Variants in REEP1 observed in about 807,000 individuals in gnomAD.
The protein encoded by REEP1 is receptor expression-enhancing protein 1.
A neutral mutation model predicts 40.3 loss-of-function variants in REEP1; 22 were observed. That is an observed-to-expected ratio of 0.55 (90% CI 0.39 to 0.78). The LOEUF is 0.78. Ranked by LOEUF, REEP1 falls within the 30% of genes least tolerant of loss-of-function variation. REEP1 has a pLI of 0.00. For missense variants in REEP1, 280 were observed against 361.1 expected, an observed-to-expected ratio of 0.78 and a Z score of 1.82; for synonymous variants, 116 against 139.2, an observed-to-expected ratio of 0.83 and a Z score of 1.17.
intron 2 of REEP1, among the ~76,000 whole-genome samples, chr2:86,267,770 C>T (rs1391915856): frequency 6.6e-6 from 1 of 151,636 alleles, no homozygotes; most frequent in African/African-American, 2.4e-5. Context: ...ACACAACCCA[C>T]AAAATGGTAG....
intron 2 of REEP1, among the ~76,000 whole-genome samples, 196 bp from the exon 3 acceptor site, chr2:86,264,237 T>C (rs1043491737): frequency 6.6e-6 from 1 of 152,208 alleles, no homozygotes; most frequent in Non-Finnish European, 1.5e-5. Flanking sequence ...GCAAATGGGC[T>C]GTTCCACAAC....
At chr2:86,308,880 A>C (rs1679625688) in intron 1 of REEP1, among the ~76,000 whole-genome samples, 1 of 152,216 alleles carries the variant, frequency 6.6e-6, no homozygotes, top group South Asian at 2.1e-4. Context: ...ACAAACCCCA[A>C]GGCAGCTGGG....
intron 5 of REEP1, among the ~76,000 whole-genome samples, chr2:86,244,282 T>G (rs1204163579): frequency 6.6e-6 from 1 of 152,150 alleles, no homozygotes; most frequent in African/African-American, 2.4e-5. Context: ...AGAGCACTGA[T>G]GGATAAAAGA....
chr2:86,290,447 C>A (rs1558918022), intron 1 of REEP1, among the ~76,000 whole-genome samples: 1 of 151,990 alleles, frequency 6.6e-6, no homozygotes, highest in African/African-American at 2.4e-5. Flanking sequence ...CCACTATACA[C>A]CTGACCTTTA....
At chr2:86,278,310 T>C (rs897363687) in intron 2 of REEP1, among the ~76,000 whole-genome samples, 2 of 152,198 alleles carry the variant, frequency 1.3e-5, no homozygotes, top group Admixed American at 6.5e-5. Context: ...TAAAATAGTA[T>C]GTGAGCTGCA....
chr2:86,320,400 T>C (rs1183682441), intron 1 of REEP1, among the ~76,000 whole-genome samples: 10 of 152,144 alleles, frequency 6.6e-5, no homozygotes, highest in Admixed American at 6.5e-4. Context: ...GGAATTCACC[T>C]TTGACCCAGG....
chr2:86,298,223 G>GCTGGCTAAAGGTGC (rs1679077406), intron 1 of REEP1, among the ~76,000 whole-genome samples: 1 of 152,188 alleles, frequency 6.6e-6, no homozygotes, highest in Non-Finnish European at 1.5e-5. Flanking sequence ...AGAACAGGGT[G>GCTGGCTAAAGGTGC]CTGGCTAAAG....
intron 1 of REEP1, among the ~76,000 whole-genome samples, chr2:86,303,065 TG>T (rs1322311994): frequency 6.6e-6 from 1 of 152,128 alleles, no homozygotes; most frequent in Non-Finnish European, 1.5e-5. Flanking sequence ...TTTTTAGAAA[TG>T]GGGTCTTGCT....
chr2:86,330,159 G>A (rs1680699180), intron 1 of REEP1, among the ~76,000 whole-genome samples: 1 of 152,032 alleles, frequency 6.6e-6, no homozygotes, highest in African/African-American at 2.4e-5. Context: ...CTAGTGTAGA[G>A]ATTGAAGGAG....
intron 1 of REEP1, chr2:86,336,963 A>T (rs978671070): frequency 6.6e-6 from 1 of 152,206 alleles, no homozygotes; most frequent in South Asian, 2.1e-4. Context: ...GATTTTTCCA[A>T]CCCCACTGGG....
At chr2:86,223,177 A>G (rs371757887) in intron 7 of REEP1, among the ~76,000 whole-genome samples, 138 of 152,358 alleles carry the variant, frequency 9.1e-4, no homozygotes, top group African/African-American at 3.2e-3. Context: ...CGTCTTCCAC[A>G]GCAGGGGAAT....
At chr2:86,292,989 C>A (rs978176090) in intron 1 of REEP1, among the ~76,000 whole-genome samples, 1 of 152,256 alleles carries the variant, frequency 6.6e-6, no homozygotes, top group African/African-American at 2.4e-5. Context: ...GTACAAGGCA[C>A]TGATCCCCAC....
At chr2:86,272,666 C>T (rs1359181705) in intron 2 of REEP1, among the ~76,000 whole-genome samples, 2 of 152,214 alleles carry the variant, frequency 1.3e-5, no homozygotes, top group Non-Finnish European at 2.9e-5. Context: ...CTGTCACTTC[C>T]ACCCTCTTGT....
intron 7 of REEP1, among the ~76,000 whole-genome samples, chr2:86,225,927 G>T (rs1674657675): frequency 6.6e-6 from 1 of 152,166 alleles, no homozygotes; most frequent in Non-Finnish European, 1.5e-5. Context: ...TTAAGGTTAG[G>T]CAACTGGAGA....
intron 7 of REEP1, among the ~76,000 whole-genome samples, chr2:86,222,374 G>A (rs1674475934): frequency 6.6e-6 from 1 of 152,190 alleles, no homozygotes; most frequent in African/African-American, 2.4e-5. Context: ...GGGCAGTGAG[G>A]GAGCCAGAAT....
intron 1 of REEP1, among the ~76,000 whole-genome samples, chr2:86,292,776 G>A: frequency 6.6e-6 from 1 of 152,108 alleles, no homozygotes; most frequent in East Asian, 1.9e-4. Context: ...TTGACTGGCA[G>A]GTGGTCAGCG....
intron 5 of REEP1, among the ~76,000 whole-genome samples, chr2:86,241,619 A>G (rs1316428315): frequency 2.6e-5 from 4 of 152,060 alleles, no homozygotes; most frequent in Admixed American, 6.6e-5. Context: ...TGGGGTGGGG[A>G]GTGCTTGGAG....
intron 1 of REEP1, among the ~76,000 whole-genome samples, chr2:86,307,691 T>G (rs1679564631): frequency 6.6e-6 from 1 of 151,178 alleles, no homozygotes; most frequent in African/African-American, 2.4e-5. Context: ...ATGGCGCCAC[T>G]GCACTCCAGG....
chr2:86,218,972 A>G (rs1674270768), intron 8 of REEP1, among the ~76,000 whole-genome samples: 1 of 152,178 alleles, frequency 6.6e-6, no homozygotes, highest in African/African-American at 2.4e-5. Flanking sequence ...TACTCAGCAG[A>G]TGGGGAATAG....
Sources: gnomAD v4.1 joint callset for allele counts (sites outside exome capture counted in the v4.1 genomes callset) on GRCh38, gnomAD v4.1.1 for gene constraint, MANE v1.5 for transcripts, NCBI Gene and HGNC (gene_info 2026-07-23, HGNC 2026-07-21) for gene names.